The following FABP9 variants were observed in gnomAD, a reference collection of about 807,000 sequenced individuals.
FABP9 encodes the protein fatty acid binding protein 9, also known as fatty acid-binding protein 9.
FABP9 carries 11 observed loss-of-function variants against 14.7 expected under a neutral mutation model. The observed-to-expected ratio is 0.75, with a 90% CI of 0.47 to 1.24. The LOEUF is 1.24. FABP9 is among the 50% of genes most tolerant of loss of function. The probability of loss-of-function intolerance (pLI) is 0.00; values close to 1 mark genes in which losing one functional copy is unlikely to be tolerated. For synonymous variants in FABP9, 54 were observed against 50.6 expected, an observed-to-expected ratio of 1.07 and a Z score of -0.29; for missense variants, 171 against 158.2, an observed-to-expected ratio of 1.08 and a Z score of -0.44.
chr8:81,460,727 A>T (rs1807679446), intron 1 of FABP9, among the ~76,000 whole-genome samples: 1 of 152,212 alleles, frequency 6.6e-6, no homozygotes, highest in African/African-American at 2.4e-5. Flanking sequence ...TATACAGTTT[A>T]CTACAAGGGA....
chr8:81,460,256 T>C (rs1807671248), intron 1 of FABP9, among the ~76,000 whole-genome samples: 2 of 152,318 alleles, frequency 1.3e-5, no homozygotes, highest in East Asian at 3.9e-4. Flanking sequence ...TGCCTTGGCC[T>C]CCCAAAGTGC....
chr8:81,458,515 T>C (rs1398351397), intron 3 of FABP9, 82 bp from the exon 4 acceptor site: 1 of 1,478,776 alleles, frequency 6.8e-7, no homozygotes, highest in Non-Finnish European at 9.4e-7. Flanking sequence ...ACCAAACCCT[T>C]AATTCAGGAT....
In FABP9 at chr8:81,459,157, G is replaced by T. The variant is rs1361374590; in HGVS notation, c.246+8C>A. 1 of 1,582,356 alleles carries T rather than the reference G, an allele frequency of 6.3e-7. No individual in the cohort carries two copies. The highest frequency in any genetic ancestry group is 8.5e-7 in the Non-Finnish European group (1 of 1,169,818). ...GATTGTTGAACACCAGGAAGAATTA[G>T]TTCTGACCTTTACTTTCCGGTTGTC... is the stretch of plus-strand genomic sequence containing the variant. On this transcript the variant is annotated splice_region_variant and intron_variant, in intron 2 of 3. Coordinates refer to ENST00000379071, the MANE Select transcript of FABP9 (RefSeq NM_001080526.2).
chr8:81,458,620 C>A lies in FABP9; in HGVS notation c.330G>T (p.Val110=), dbSNP rs758875107. The change falls in exon 3 of 4, where the codon GTG becomes GTT. Residue 110 remains valine, a synonymous_variant. Transcript: ENST00000379071. ...GKETTIKRKI[V]DEKMVVECKM... is the part of the protein sequence containing the mutation. Reference sequence around the variant, plus strand: ...AACTTACCACTACCATTTTTTCATCCACAATTTTTCTTTTGATTGTTGTCT... The same window carrying A: ...AACTTACCACTACCATTTTTTCATCAACAATTTTTCTTTTGATTGTTGTCT... 1.2e-6 allele frequency: 2 copies of A among 1,612,594 alleles called. No individual in the cohort carries two copies. Among genetic ancestry groups the A allele is most frequent in the South Asian group, 2.2e-5 (2 of 90,926 alleles).
intron 1 of FABP9, among the ~76,000 whole-genome samples, chr8:81,460,582 C>T (rs1039668480): frequency 2.0e-5 from 3 of 152,084 alleles, no homozygotes; most frequent in African/African-American, 7.2e-5. Flanking sequence ...TTTATAAGCA[C>T]ATTGACTTAT....
At chr8:81,461,261 T>C (rs1025433305) in intron 1 of FABP9, among the ~76,000 whole-genome samples, 190 bp downstream of exon 1, 8 of 152,202 alleles carry the variant, frequency 5.3e-5, no homozygotes, top group South Asian at 2.1e-4. Context: ...TCTGTGGGCC[T>C]AGTCTTCCAA....
At chr8:81,460,630 GAGTAAACAT>G (rs1246738836) in intron 1 of FABP9, among the ~76,000 whole-genome samples, 1 of 152,130 alleles carries the variant, frequency 6.6e-6, no homozygotes, top group Non-Finnish European at 1.5e-5. Flanking sequence ...TGTCTAGAAT[GAGTAAACAT>G]AATTAATAAT....
chr8:81,459,360 G>A (rs1285402994), intron 1 of FABP9, 23 bp from the exon 2 acceptor site: 6 of 1,488,078 alleles, frequency 4.0e-6, no homozygotes, highest in Non-Finnish European at 4.4e-6. Flanking sequence ...GATAGCCTTG[G>A]ACCTTATTAA....
chr8:81,458,513 C>A, intron 3 of FABP9, 80 bp from the exon 4 acceptor site: 11 of 1,486,180 alleles, frequency 7.4e-6, no homozygotes, highest in East Asian at 2.3e-5. Context: ...AGACCAAACC[C>A]TTAATTCAGG....
chr8:81,459,979 G>GTT (rs568405597), intron 1 of FABP9, among the ~76,000 whole-genome samples: 1,685 of 149,180 alleles, frequency 0.011, 33 homozygotes, highest in African/African-American at 0.04. Flanking sequence ...GACCTCGCAA[G>GTT]TTTTTTTTTT....
chr8:81,461,173 T>A (rs946132749), intron 1 of FABP9, among the ~76,000 whole-genome samples: 7 of 152,188 alleles, frequency 4.6e-5, no homozygotes, highest in Admixed American at 1.3e-4. Context: ...AAAATGAAAT[T>A]CTATCTAGAA....
At position 81,458,309 on chromosome 8, in the gene FABP9, C is replaced by A. The variant is rs1807625875; in HGVS notation, c.*74G>T. On this transcript the variant is annotated 3_prime_UTR_variant, in exon 4 of 4. Coordinates refer to ENST00000379071, the MANE Select transcript of FABP9 (RefSeq NM_001080526.2). ...TATTGAGACATTTTTTAAAAATCAC[C>A]AGCCCTGAGGCATATCTTCTTCAGG... 1.4e-5 allele frequency: 16 copies of A among 1,117,832 alleles called. No homozygotes were observed. The South Asian group carries it at 2.1e-4, about 15-fold the overall frequency. The allele number at this position is 1,117,832 out of a possible 1,614,324, so 69.2% of individuals were successfully genotyped here. A position where few individuals can be genotyped will look rare whatever the true frequency, so the allele number is the denominator to read the frequency against.
intron 1 of FABP9, 39 bp downstream of exon 1, chr8:81,461,412 T>C (rs1460671597): frequency 7.3e-7 from 1 of 1,362,740 alleles, no homozygotes. Flanking sequence ...CATCACAAAA[T>C]GCTTTGCCAA....
rs553583644 is a variant in FABP9, at chr8:81,461,560, A to C, written c.-37T>G. 6.7e-7 allele frequency: 1 copy of C among 1,489,832 alleles called. No individual in the cohort carries two copies. Among genetic ancestry groups the C allele is most frequent in the Admixed American group, 1.7e-5 (1 of 59,798 alleles). 92.3% of individuals were successfully genotyped at this position (1,489,832 alleles called of 1,614,324 possible). A position where few individuals can be genotyped will look rare whatever the true frequency, so the allele number is the denominator to read the frequency against. Reference sequence around the variant, plus strand: ...TGCTGAGAAGAGCCACTCGTAATTGAAAACCAAAGAAATATAGGCATTACG... The same window carrying C: ...TGCTGAGAAGAGCCACTCGTAATTGCAAACCAAAGAAATATAGGCATTACG... On this transcript the variant is annotated 5_prime_UTR_variant, in exon 1 of 4. Transcript: ENST00000379071.
At chr8:81,460,114 C>T (rs1807668276) in intron 1 of FABP9, among the ~76,000 whole-genome samples, 1 of 152,166 alleles carries the variant, frequency 6.6e-6, no homozygotes, top group African/African-American at 2.4e-5. Flanking sequence ...ATTCTCCTGC[C>T]TCAGCCCCCC....
Position 81,459,197 on chromosome 8 carries a change from C to A in FABP9, c.214G>T (p.Asp72Tyr). The part of the protein sequence containing the change: ...KISFKLGEEF[D>Y]ETTADNRKVK... ...TTCCGGTTGTCTGCTGTAGTTTCATCAAATTCTTCCCCCAGCTTGAAGGAG... is the reference window on the plus strand; with the variant it reads ...TTCCGGTTGTCTGCTGTAGTTTCATAAAATTCTTCCCCCAGCTTGAAGGAG... The change falls in exon 2 of 4, where the codon GAT (aspartate) becomes TAT (tyrosine). Residue 72 changes from aspartate (D) to tyrosine (Y), a missense_variant. Transcript: ENST00000379071. 1 of 1,591,216 alleles carries A rather than the reference C, an allele frequency of 6.3e-7. No homozygotes were observed. The highest frequency in any genetic ancestry group is 8.5e-7 in the Non-Finnish European group (1 of 1,172,342).
At position 81,458,409 on chromosome 8, in the gene FABP9, T is replaced by A; in HGVS notation, c.373A>T (p.Ser125Cys). ...VVECKMNNIV[S>C]TRIYEKV is the part of the protein sequence containing the mutation. ...CACACCTTTTCGTAGATTCTGGTGCTGACAATATTATTCATTTTACATTCC... is the reference window on the plus strand; with the variant it reads ...CACACCTTTTCGTAGATTCTGGTGCAGACAATATTATTCATTTTACATTCC... Residue 125 changes from serine (S) to cysteine (C), a missense_variant, in exon 4 of 4, where the codon AGC becomes TGC. Ser to Cys is a moderately radical substitution (Grantham distance 112, BLOSUM62 -1). Coordinates refer to ENST00000379071, the MANE Select transcript of FABP9 (RefSeq NM_001080526.2). The A allele has an allele frequency of 4.3e-6, 7 of 1,612,838 alleles. No homozygotes were observed. Among genetic ancestry groups the A allele is most frequent in the Non-Finnish European group, 5.9e-6 (7 of 1,178,864 alleles).
intron 1 of FABP9, 84 bp downstream of exon 1, chr8:81,461,367 G>T: frequency 2.2e-6 from 2 of 924,410 alleles, no homozygotes; most frequent in Non-Finnish European, 3.6e-6. Flanking sequence ...GAAGATAATT[G>T]TAGGAAAATT....
intron 2 of FABP9, 64 bp downstream of exon 2, chr8:81,459,101 A>G (rs963552166): frequency 5.6e-5 from 80 of 1,418,092 alleles, no homozygotes; most frequent in Non-Finnish European, 7.5e-5. Flanking sequence ...ATTACAGTAA[A>G]CCATGCCTAA....
Sources: gnomAD v4.1 joint callset for allele counts (sites outside exome capture counted in the v4.1 genomes callset) on GRCh38, gnomAD v4.1.1 for gene constraint, MANE v1.5 for transcripts, NCBI Gene and HGNC (gene_info 2026-07-23, HGNC 2026-07-21) for gene names.